Variants in KLHDC4 observed in about 807,000 individuals in gnomAD.
KLHDC4 encodes the protein kelch domain containing 4.
In KLHDC4, 90 loss-of-function variants were observed where a neutral mutation model predicts 62.4. That is an observed-to-expected ratio of 1.44 (90% confidence interval 1.22 to 1.72). KLHDC4 has a LOEUF of 1.72. KLHDC4 is among the 40% of genes most tolerant of loss of function. KLHDC4 has a pLI of 0.00. For synonymous variants in KLHDC4, 386 were observed against 284.4 expected, an observed-to-expected ratio of 1.36 and a Z score of -3.59; for missense variants, 1,025 against 699.7, an observed-to-expected ratio of 1.47 and a Z score of -5.25.
chr16:87,755,515 G>A (rs73246342), intron 3 of KLHDC4: 10,328 of 416,136 alleles, frequency 0.025, 555 homozygotes, highest in African/African-American at 0.15. Flanking sequence ...GGAAGGTACT[G>A]AAAGCCCTCG....
At chr16:87,748,877 G>A (rs561166981) in intron 4 of KLHDC4, 68 bp from the exon 5 acceptor site, 142 of 1,590,470 alleles carry the variant, frequency 8.9e-5, no homozygotes, top group South Asian at 2.4e-4. Context: ...ATGGGTGACC[G>A]GTAGTGGTGA....
intron 7 of KLHDC4, among the ~76,000 whole-genome samples, chr16:87,717,040 T>C (rs372572844): frequency 2.0e-4 from 30 of 152,340 alleles, no homozygotes; most frequent in East Asian, 1.2e-3. Context: ...AAGACCAGCC[T>C]GGGCAATGGC....
chr16:87,759,471 G>A (rs2045532325), intron 2 of KLHDC4, among the ~76,000 whole-genome samples: 1 of 151,472 alleles, frequency 6.6e-6, no homozygotes, highest in African/African-American at 2.4e-5. Context: ...AATAGGCCGG[G>A]TACAGTGGCT....
intron 7 of KLHDC4, among the ~76,000 whole-genome samples, chr16:87,719,358 A>G (rs2142992772): frequency 6.6e-6 from 1 of 152,354 alleles, no homozygotes; most frequent in South Asian, 2.1e-4. Context: ...CTGTTAATCT[A>G]TAACCTTACC....
At chr16:87,748,858 GC>G (rs2043448214) in intron 4 of KLHDC4, 49 bp from the exon 5 acceptor site, 1 of 1,606,886 alleles carries the variant, frequency 6.2e-7, no homozygotes, top group Non-Finnish European at 8.5e-7. Context: ...CAGCAGAAGG[GC>G]CAGTGTCATG....
In KLHDC4 at chr16:87,708,405, G is replaced by A. The variant is rs746685588; in HGVS notation, c.1509C>T (p.Ala503=). ...TGTCTTCGTCGTCGACCCCACCCTC[G>A]GCGCCCTCAACCTCCTCACTGTCCT... ...SEEDSEEVEG[A]EGGVDDEDSG... Residue 503 remains alanine, a synonymous_variant, in exon 11 of 12, where the codon GCC becomes GCT. Transcript: ENST00000270583. The A allele has an allele frequency of 3.3e-5, 53 of 1,611,538 alleles. No individual in the cohort carries two copies. The highest frequency in any genetic ancestry group is 6.7e-5 in the Admixed American group (4 of 59,924).
At chr16:87,753,114 G>T (rs756193197) in intron 4 of KLHDC4, among the ~76,000 whole-genome samples, 16 of 152,210 alleles carry the variant, frequency 1.1e-4, no homozygotes, top group Non-Finnish European at 2.1e-4. Context: ...GTTCAGGGAC[G>T]CAGAGGCAGC....
At chr16:87,721,847 G>A (rs1417933658) in intron 7 of KLHDC4, among the ~76,000 whole-genome samples, 1 of 152,158 alleles carries the variant, frequency 6.6e-6, no homozygotes, top group African/African-American at 2.4e-5. Context: ...TCAAAACGCA[G>A]GCAGGAAGGA....
chr16:87,752,044 C>G (rs151281973), intron 4 of KLHDC4, among the ~76,000 whole-genome samples: 1 of 135,488 alleles, frequency 7.4e-6, no homozygotes, highest in Non-Finnish European at 1.5e-5. Flanking sequence ...GAGCCGAGAT[C>G]GCGCCACTGC....
intron 11 of KLHDC4, 110 bp downstream of exon 11, chr16:87,708,240 A>C (rs1253468129): frequency 4.0e-6 from 3 of 751,470 alleles, no homozygotes; most frequent in Admixed American, 2.8e-5. Context: ...CCACACACCA[A>C]CGTTTTTAAA....
At chr16:87,736,916 G>A (rs1025420849) in intron 5 of KLHDC4, among the ~76,000 whole-genome samples, 1 of 151,824 alleles carries the variant, frequency 6.6e-6, no homozygotes, top group Non-Finnish European at 1.5e-5. Flanking sequence ...CCTGAGGTCA[G>A]GAGTTCGAGA....
At chr16:87,741,843 A>G (rs1028078590) in intron 5 of KLHDC4, among the ~76,000 whole-genome samples, 11 of 152,214 alleles carry the variant, frequency 7.2e-5, no homozygotes, top group Non-Finnish European at 1.6e-4. Flanking sequence ...CCTCGGCTGA[A>G]AAACCAACTC....
intron 4 of KLHDC4, among the ~76,000 whole-genome samples, chr16:87,751,847 G>C (rs1169757032): frequency 3.3e-5 from 5 of 151,984 alleles, no homozygotes; most frequent in Admixed American, 2.6e-4. Flanking sequence ...GCCGAGGCGG[G>C]CGGATCACGA....
intron 4 of KLHDC4, among the ~76,000 whole-genome samples, chr16:87,754,031 TG>T (rs2044462235): frequency 6.7e-6 from 1 of 150,020 alleles, no homozygotes. Context: ...TCCCAGCTAC[TG>T]GGGAGGCTGA....
Position 87,762,054 on chromosome 16 carries a change from G to A in KLHDC4, c.100-14C>T, listed in dbSNP as rs745859527. ...TTCCAGGTCTTCCTAGGGCAAGCAAGCAGGCACACGTGAGACTTATTCCCA... is the reference window on the plus strand; with the variant it reads ...TTCCAGGTCTTCCTAGGGCAAGCAAACAGGCACACGTGAGACTTATTCCCA... On this transcript the variant is annotated splice_polypyrimidine_tract_variant and intron_variant, in intron 1 of 11. Coordinates refer to ENST00000270583, the MANE Select transcript of KLHDC4 (RefSeq NM_017566.4). 6.2e-6 allele frequency: 10 copies of A among 1,612,482 alleles called. No individual in the cohort carries two copies. In the South Asian group the frequency reaches 7.7e-5, roughly 12 times the overall value.
chr16:87,727,480 C>T (rs1370010463), intron 6 of KLHDC4, among the ~76,000 whole-genome samples: 2 of 152,166 alleles, frequency 1.3e-5, no homozygotes, highest in African/African-American at 4.8e-5. Context: ...AGCGAGGGGA[C>T]TGGGCGCTCC....
chr16:87,724,417 A>G (rs1281947759), intron 7 of KLHDC4, among the ~76,000 whole-genome samples: 1 of 152,216 alleles, frequency 6.6e-6, no homozygotes, highest in Non-Finnish European at 1.5e-5. Flanking sequence ...AACACTTCGG[A>G]AGGTGACCAG....
At chr16:87,717,904 G>A (rs990589073) in intron 7 of KLHDC4, among the ~76,000 whole-genome samples, 1 of 152,136 alleles carries the variant, frequency 6.6e-6, no homozygotes, top group East Asian at 1.9e-4. Context: ...AACAGCCTAT[G>A]GGGGAATGTT....
At position 87,709,467 on chromosome 16, in the gene KLHDC4, G is replaced by A. The variant is rs113777424; in HGVS notation, c.1245C>T (p.Asp415=). ...TGCCGGCCTCCTCAAGGCTGTCTTC[G>A]TCCTCAGACCGGGGCTGCCCCGCCG... ...PGSAGQPRSE[D]EDSLEEAGSP... Residue 415 remains aspartate (D), a synonymous_variant, in exon 10 of 12, where the codon GAC becomes GAT. Transcript: ENST00000270583. The A allele has an allele frequency of 2.3e-5, 37 of 1,611,554 alleles. No homozygotes were observed. The highest frequency in any genetic ancestry group is 1.6e-4 in the Middle Eastern group (1 of 6,082).
Sources: gnomAD v4.1 joint callset for allele counts (sites outside exome capture counted in the v4.1 genomes callset) on GRCh38, gnomAD v4.1.1 for gene constraint, MANE v1.5 for transcripts, NCBI Gene and HGNC (gene_info 2026-07-23, HGNC 2026-07-21) for gene names.